Variants in PIEZO2 observed in about 807,000 individuals in gnomAD.
PIEZO2 encodes piezo-type mechanosensitive ion channel component 2.
PIEZO2 carries 172 observed loss-of-function variants against 337.3 expected under a neutral mutation model. The observed-to-expected ratio is 0.51, with a 90% confidence interval of 0.45 to 0.58. The LOEUF is 0.58. PIEZO2 is among the 20% of genes least tolerant of loss of function. The pLI, the probability that PIEZO2 is intolerant of heterozygous loss-of-function variation, is 0.00. For missense variants in PIEZO2, 3,028 were observed against 3,391.3 expected (o/e 0.89, Z 2.66); for synonymous variants, 1,251 against 1,228.5 (o/e 1.02, Z -0.38).
At chr18:10,920,014 G>C (rs1169798444) in intron 3 of PIEZO2, among the ~76,000 whole-genome samples, 1 of 152,144 alleles carries the variant, frequency 6.6e-6, no homozygotes, top group Non-Finnish European at 1.5e-5. Context: ...TGGAAACCAA[G>C]CAAACAAGCC....
intron 3 of PIEZO2, among the ~76,000 whole-genome samples, chr18:10,916,892 G>A (rs1276562495): frequency 6.6e-6 from 1 of 152,132 alleles, no homozygotes; most frequent in Non-Finnish European, 1.5e-5. Flanking sequence ...TCCCTATCAT[G>A]TGTCTCCTGC....
At chr18:11,068,005 T>C (rs1035370035) in intron 1 of PIEZO2, among the ~76,000 whole-genome samples, 5 of 152,198 alleles carry the variant, frequency 3.3e-5, no homozygotes, top group Non-Finnish European at 5.9e-5. Flanking sequence ...CACTGCAAGC[T>C]CCGCCTCCCA....
In PIEZO2 at chr18:11,083,679, C is replaced by T. The variant is rs759460464; in HGVS notation, c.65-17457G>A. On this transcript the variant is annotated intron_variant, in intron 1 of 55. Coordinates refer to ENST00000674853, the MANE Select transcript of PIEZO2 (RefSeq NM_001378183.1). The surrounding 1 kb of genome is among the most constrained non-coding windows in gnomAD (Gnocchi z 4.4). ...CGATGTGAGGTAGAATCATTTAGGA[C>T]ACTTAGTAGGAATCCTCAGGCAGAA... 1.3e-5 allele frequency among the ~76,000 whole-genome samples: 2 copies of T among 152,132 alleles called. No individual in the cohort carries two copies. The highest frequency in any genetic ancestry group is 2.9e-5 in the Non-Finnish European group (2 of 68,040).
At position 10,682,396 on chromosome 18, in the gene PIEZO2, A is replaced by G. The variant is rs2034305807; in HGVS notation, c.7498-104T>C. On this transcript the variant is annotated intron_variant, in intron 49 of 55. Transcript: ENST00000674853. This position sits in a 1 kb window ranked among gnomAD's most constrained non-coding sequence, Gnocchi z 5.6. The stretch of plus-strand genomic sequence containing the variant: ...GTGCTCTTCCTGTGGTGCTGGGAAC[A>G]TGGATTTGGCCCTGAATCTTCTCTG... 2 of 1,036,620 alleles carry G rather than the reference A, an allele frequency of 1.9e-6. No individual in the cohort carries two copies. The highest frequency in any genetic ancestry group is 2.7e-6 in the Non-Finnish European group (2 of 729,720). The allele number at this position is 1,036,620 out of a possible 1,614,324, so 64.2% of individuals were successfully genotyped here.
chr18:10,855,965 T>C lies in PIEZO2; in HGVS notation c.704-399A>G, dbSNP rs1421113120. On this transcript the variant is annotated intron_variant, in intron 6 of 55. Transcript: ENST00000674853. This position sits in a 1 kb window ranked among gnomAD's most constrained non-coding sequence, Gnocchi z 4.9. ...ACCTTTCCTGACACCATTTTCTTTA[T>C]AATAATTTACTACTTTTTTTTTTTA... 6.6e-6 allele frequency among the ~76,000 whole-genome samples: 1 copy of C among 151,526 alleles called. No homozygotes were observed. The highest frequency in any genetic ancestry group is 1.5e-5 in the Non-Finnish European group (1 of 67,992).
Position 10,979,940 on chromosome 18 carries a change from T to C in PIEZO2, c.161-280A>G, listed in dbSNP as rs1305865088. 2.0e-5 allele frequency among the ~76,000 whole-genome samples: 3 copies of C among 152,204 alleles called. No individual in the cohort carries two copies. Among genetic ancestry groups the C allele is most frequent in the Non-Finnish European group, 2.9e-5 (2 of 68,030 alleles). The stretch of plus-strand genomic sequence containing the variant: ...TTACAGTGGAACTACAAAAAGGTCC[T>C]GGACCAAAACATTTTACAAGGAAGT... On this transcript the variant is annotated intron_variant, in intron 2 of 55. Transcript: ENST00000674853. This position sits in a 1 kb window ranked among gnomAD's most constrained non-coding sequence, Gnocchi z 4.0.
In PIEZO2 at chr18:11,132,869, T is replaced by C. The variant is rs1223569376; in HGVS notation, c.64+15656A>G. Among the ~76,000 whole-genome samples, 1 of 152,110 alleles carries C rather than the reference T, an allele frequency of 6.6e-6. No individual in the cohort carries two copies. Among genetic ancestry groups the C allele is most frequent in the Non-Finnish European group, 1.5e-5 (1 of 68,024 alleles). ...AGATCCATTAGGGCGTCTCTTAGTA[T>C]TACCATGCTCTGTGATTAAGGTCAA... On this transcript the variant is annotated intron_variant, in intron 1 of 55. Coordinates refer to ENST00000674853, the MANE Select transcript of PIEZO2 (RefSeq NM_001378183.1). The surrounding 1 kb of genome is among the most constrained non-coding windows in gnomAD (Gnocchi z 4.7).
rs2033357745 is a variant in PIEZO2, at chr18:10,952,830, A to G, written c.286+26705T>C. ...AATGTATTTGAATTCCAAGTGTTCT[A>G]CATCTCCATATTTCCTCAGCATTTG... On this transcript the variant is annotated intron_variant, in intron 3 of 55. Coordinates refer to ENST00000674853, the MANE Select transcript of PIEZO2 (RefSeq NM_001378183.1). The surrounding 1 kb of genome is among the most constrained non-coding windows in gnomAD (Gnocchi z 4.1). Among the ~76,000 whole-genome samples the G allele has an allele frequency of 6.6e-6, 1 of 152,100 alleles. No homozygotes were observed. Among genetic ancestry groups the G allele is most frequent in the Non-Finnish European group, 1.5e-5 (1 of 68,014 alleles).
chr18:10,704,348 G>A, intron 42 of PIEZO2, 46 bp downstream of exon 42: 1 of 1,526,816 alleles, frequency 6.5e-7, no homozygotes, highest in Non-Finnish European at 8.8e-7. Flanking sequence ...GCTTCCCCTT[G>A]CATAGCCGCC....
In PIEZO2 at chr18:10,810,168, C is replaced by T. The variant is rs145196483; in HGVS notation, c.918-2894G>A. ...ATAATGTTGATGGGTGGGGTGAGGA[C>T]GCAAGTATATGAAAAAGAAAGGACA... On this transcript the variant is annotated intron_variant, in intron 7 of 55. Transcript: ENST00000674853. 2.3e-3 allele frequency among the ~76,000 whole-genome samples: 349 copies of T among 151,994 alleles called. 3 individuals carry two copies. The highest frequency in any genetic ancestry group is 0.019 in the Admixed American group (283 of 15,254).
chr18:11,007,628 G>T (rs1598818083), intron 2 of PIEZO2, among the ~76,000 whole-genome samples: 1 of 152,054 alleles, frequency 6.6e-6, no homozygotes, highest in African/African-American at 2.4e-5. Context: ...CAGAGAAAAA[G>T]AATACATTAA....
intron 27 of PIEZO2, among the ~76,000 whole-genome samples, chr18:10,754,737 T>C (rs550066131): frequency 1.3e-5 from 2 of 152,326 alleles, no homozygotes; most frequent in Admixed American, 6.5e-5. Flanking sequence ...CAAGTCTGTA[T>C]AGCATATTGT....
In PIEZO2 at chr18:10,973,509, G is replaced by GTA. The variant is rs2034323801; in HGVS notation, c.286+6024_286+6025dup. Among the ~76,000 whole-genome samples, 1 of 152,176 alleles carries GTA rather than the reference G, an allele frequency of 6.6e-6. No homozygotes were observed. Among genetic ancestry groups the GTA allele is most frequent in the Admixed American group, 6.5e-5 (1 of 15,278 alleles). On this transcript the variant is annotated intron_variant, in intron 3 of 55. Transcript: ENST00000674853. The surrounding 1 kb of genome is among the most constrained non-coding windows in gnomAD (Gnocchi z 4.9). ...AAGTTCTCCTATACATGATCAGAAG[G>GTA]TATATATATGATCCACATACTTTTC...
rs538695153 is a variant in PIEZO2 at position 11,005,494 on chromosome 18, C to A, written c.161-25834G>T. ...AGTTCACGCAGATTGAGGTTCAGAG[C>A]CTTGATCAAGGAGCGGTATCAGGGA... On this transcript the variant is annotated intron_variant, in intron 2 of 55. Transcript: ENST00000674853. Among the ~76,000 whole-genome samples the A allele has an allele frequency of 2.0e-5, 3 of 152,310 alleles. No individual in the cohort carries two copies. The East Asian group carries it at 5.8e-4, about 29-fold the overall frequency.
chr18:10,879,255 T>A (rs11661818), intron 4 of PIEZO2, among the ~76,000 whole-genome samples: 41,623 of 152,110 alleles, frequency 0.27, 5,841 homozygotes, highest in Non-Finnish European at 0.32. Context: ...GAGACCAATG[T>A]GTCCATTTTC....
intron 2 of PIEZO2, among the ~76,000 whole-genome samples, chr18:11,055,130 G>A (rs34344002): frequency 0.12 from 17,874 of 145,682 alleles, 1,558 homozygotes; most frequent in African/African-American, 0.25. Flanking sequence ...AGAATGGCGT[G>A]AACCCGGGAG....
intron 17 of PIEZO2, among the ~76,000 whole-genome samples, chr18:10,782,035 A>G (rs181695051): frequency 2.5e-4 from 37 of 150,886 alleles, no homozygotes; most frequent in African/African-American, 8.5e-4. Context: ...AATTATGAGC[A>G]AGGAAAATAC....
At chr18:10,921,868 T>C (rs1052055541) in intron 3 of PIEZO2, among the ~76,000 whole-genome samples, 8 of 152,192 alleles carry the variant, frequency 5.3e-5, no homozygotes, top group South Asian at 4.2e-4. Flanking sequence ...TGGTCGAGAC[T>C]GTAGGGATGA....
chr18:10,992,746 T>C (rs1382316302), intron 2 of PIEZO2, among the ~76,000 whole-genome samples: 2 of 152,166 alleles, frequency 1.3e-5, no homozygotes, highest in African/African-American at 2.4e-5. Flanking sequence ...TTAAAGTAGT[T>C]TTTTTCCAAT....
Sources: allele counts gnomAD v4.1 joint callset (sites outside exome capture counted in the v4.1 genomes callset), GRCh38; gene constraint gnomAD v4.1.1; non-coding constraint Gnocchi (gnomAD v3.1); transcripts MANE v1.5; gene names NCBI Gene and HGNC (gene_info 2026-07-23, HGNC 2026-07-21).